The following MAGI1 variants were observed in gnomAD, a reference collection of about 807,000 sequenced individuals.
MAGI1 encodes the protein membrane-associated guanylate kinase, WW and PDZ domain-containing protein 1.
In MAGI1, 58 loss-of-function variants were observed where a neutral mutation model predicts 139.9. The observed-to-expected ratio is 0.41, with a 90% CI of 0.34 to 0.52. The LOEUF (loss-of-function observed/expected upper bound fraction) is 0.52, where lower values mean the gene tolerates loss of function less well. Ranked by LOEUF, MAGI1 falls within the 20% of genes least tolerant of loss-of-function variation. MAGI1 has a pLI of 0.12. For missense variants in MAGI1, 1,874 were observed against 1,901.6 expected (o/e 0.99, Z 0.27); for synonymous variants, 812 against 737.9 (o/e 1.10, Z -1.63).
At chr3:65,525,096 T>C (rs904238077) in intron 2 of MAGI1, among the ~76,000 whole-genome samples, 4 of 152,124 alleles carry the variant, frequency 2.6e-5, no homozygotes, top group Admixed American at 6.5e-5. Context: ...CTACTTGGAA[T>C]TGCATCCCTA....
At chr3:65,661,071 A>C (rs1226341209) in intron 1 of MAGI1, among the ~76,000 whole-genome samples, 6 of 152,318 alleles carry the variant, frequency 3.9e-5, no homozygotes, top group South Asian at 2.1e-4. Flanking sequence ...TCCTGACATC[A>C]GTTTAGAGCT....
At chr3:65,804,243 G>C (rs189996366) in intron 1 of MAGI1, among the ~76,000 whole-genome samples, 2 of 149,390 alleles carry the variant, frequency 1.3e-5, no homozygotes, top group Non-Finnish European at 3.0e-5. Context: ...TAACCATTTT[G>C]CAAAACAGAA....
chr3:65,988,156 G>GGAAAC (rs1171148139), intron 1 of MAGI1, among the ~76,000 whole-genome samples: 21 of 152,208 alleles, frequency 1.4e-4, no homozygotes, highest in African/African-American at 4.8e-4. Flanking sequence ...AACAAAGTCA[G>GGAAAC]TAAGTACCAG....
At chr3:65,474,998 T>TA (rs1466520624) in intron 4 of MAGI1, among the ~76,000 whole-genome samples, 1 of 152,120 alleles carries the variant, frequency 6.6e-6, no homozygotes, top group African/African-American at 2.4e-5. Flanking sequence ...CATTAGCTCT[T>TA]ATAGAAATGA....
At chr3:65,992,928 G>T (rs1332559716) in intron 1 of MAGI1, among the ~76,000 whole-genome samples, 1 of 152,068 alleles carries the variant, frequency 6.6e-6, no homozygotes, top group East Asian at 1.9e-4. Context: ...TGGGTCAAAA[G>T]ATCCTCCCGC....
chr3:65,633,973 C>T (rs576662959), intron 1 of MAGI1, among the ~76,000 whole-genome samples: 106 of 152,312 alleles, frequency 7.0e-4, no homozygotes, highest in African/African-American at 2.5e-3. Context: ...TATTAGAATT[C>T]TAACTGGACC....
intron 1 of MAGI1, among the ~76,000 whole-genome samples, chr3:66,023,801 A>C (rs2068087488): frequency 1.3e-5 from 2 of 152,210 alleles, no homozygotes; most frequent in Admixed American, 6.5e-5. Context: ...AGGGCAGAGA[A>C]TAGATTCTAT....
Position 65,470,292 on chromosome 3 carries a change from T to C in MAGI1, c.950A>G (p.Tyr317Cys). 2 of 1,603,074 alleles carry C rather than the reference T, an allele frequency of 1.2e-6. No homozygotes were observed. The highest frequency in any genetic ancestry group is 1.7e-6 in the Non-Finnish European group (2 of 1,170,148). The change falls in exon 5 of 23, where the codon TAT becomes TGT. Residue 317 changes from tyrosine to cysteine, a missense_variant. Transcript: ENST00000402939. The part of the protein sequence containing the change: ...EMAYTENGEV[Y>C]FIDHNTKTTS... ...TAATGGTATACTTTACTCTATAAAATAGACTTCTCCATTTTCAGTATAGGC... is the reference window on the plus strand; with the variant it reads ...TAATGGTATACTTTACTCTATAAAACAGACTTCTCCATTTTCAGTATAGGC...
rs775367508 is a variant in MAGI1, at chr3:65,356,975, C to T, written c.3792G>A (p.Arg1264=). ...TATACTCTCTGCTGCCTTTCGGATC[C>T]CTTGCGTGTGCCCGCTTTTCCCCAT... The part of the protein sequence containing the change: ...SPHGEKRAHA[R]DPKGSREYSR... Residue 1264 remains arginine, a synonymous_variant, in exon 23 of 23, where the codon AGG becomes AGA. Transcript: ENST00000402939. 10 of 1,614,058 alleles carry T rather than the reference C, an allele frequency of 6.2e-6. No homozygotes were observed. The highest frequency in any genetic ancestry group is 1.6e-4 in the Middle Eastern group (1 of 6,084).
At chr3:65,594,439 T>C (rs1293197959) in intron 2 of MAGI1, among the ~76,000 whole-genome samples, 2 of 152,234 alleles carry the variant, frequency 1.3e-5, no homozygotes, top group Non-Finnish European at 2.9e-5. Flanking sequence ...GAAGGCAGCA[T>C]CTTTACATTT....
chr3:65,395,340 C>A (rs1340171690), intron 13 of MAGI1, among the ~76,000 whole-genome samples: 2 of 151,654 alleles, frequency 1.3e-5, no homozygotes, highest in African/African-American at 4.8e-5. Context: ...TCTGGAAGAA[C>A]CCTACTAACA....
At chr3:65,935,097 G>A (rs2062985133) in intron 1 of MAGI1, among the ~76,000 whole-genome samples, 1 of 152,156 alleles carries the variant, frequency 6.6e-6, no homozygotes, top group African/African-American at 2.4e-5. Context: ...CAAATCTAGG[G>A]TGTTTGGAAA....
At chr3:65,387,413 T>C (rs1943542446) in intron 14 of MAGI1, among the ~76,000 whole-genome samples, 1 of 151,978 alleles carries the variant, frequency 6.6e-6, no homozygotes, top group Non-Finnish European at 1.5e-5. Context: ...GTGCTTTACT[T>C]GTAAAAAAGG....
chr3:65,369,512 C>CT (rs759624135), intron 18 of MAGI1, among the ~76,000 whole-genome samples: 5,231 of 142,050 alleles, frequency 0.037, 123 homozygotes, highest in Non-Finnish European at 0.05. Context: ...GTGATGGATT[C>CT]TTTTTTTTTT....
chr3:65,714,649 A>G (rs2031981221), intron 1 of MAGI1, among the ~76,000 whole-genome samples: 1 of 152,124 alleles, frequency 6.6e-6, no homozygotes, highest in Admixed American at 6.5e-5. Flanking sequence ...GGGTTAAAAA[A>G]AACCGAAGCC....
intron 1 of MAGI1, among the ~76,000 whole-genome samples, chr3:66,022,944 A>C (rs1428175158): frequency 6.6e-6 from 1 of 152,172 alleles, no homozygotes; most frequent in Non-Finnish European, 1.5e-5. Context: ...CAGAAATTTA[A>C]CCTGGGATCG....
At chr3:66,018,247 C>A (rs578252073) in intron 1 of MAGI1, among the ~76,000 whole-genome samples, 23 of 152,078 alleles carry the variant, frequency 1.5e-4, no homozygotes, top group African/African-American at 3.6e-4. Context: ...TATTTTCACA[C>A]GTGTAACTTT....
intron 1 of MAGI1, among the ~76,000 whole-genome samples, chr3:65,655,757 T>C (rs1261198666): frequency 6.6e-6 from 1 of 152,112 alleles, no homozygotes; most frequent in Non-Finnish European, 1.5e-5. Flanking sequence ...TAGTAAGAGG[T>C]AGAAATTGGA....
At chr3:65,653,759 G>C (rs537307265) in intron 1 of MAGI1, among the ~76,000 whole-genome samples, 1 of 152,288 alleles carries the variant, frequency 6.6e-6, no homozygotes, top group South Asian at 2.1e-4. Context: ...AGGGTTGTGA[G>C]TTGGGGAAGA....
Sources: allele counts gnomAD v4.1 joint callset (sites outside exome capture counted in the v4.1 genomes callset), GRCh38; gene constraint gnomAD v4.1.1; transcripts MANE v1.5; gene names NCBI Gene and HGNC (gene_info 2026-07-23, HGNC 2026-07-21).